CDH6: variants seen among roughly 807,000 people sequenced by gnomAD.
The protein encoded by CDH6 is cadherin 6, also known as cadherin-6.
Under a neutral mutation model 78.0 loss-of-function variants are expected in CDH6, and 31 were observed. The ratio of observed to expected loss-of-function variants is 0.40; its 90% CI spans 0.30 to 0.54. The LOEUF (loss-of-function observed/expected upper bound fraction) is 0.54, where lower values mean the gene tolerates loss of function less well. Among genes scored for constraint, CDH6 ranks in the 20% least tolerant of loss-of-function variants. CDH6 has a pLI of 0.56. For synonymous variants in CDH6, 376 were observed against 368.8 expected, an observed-to-expected ratio of 1.02 and a Z score of -0.23; for missense variants, 724 against 975.9, an observed-to-expected ratio of 0.74 and a Z score of 3.44.
chr5:31,278,417 T>C (rs926597110), intron 2 of CDH6, among the ~76,000 whole-genome samples: 2 of 152,128 alleles, frequency 1.3e-5, no homozygotes, highest in East Asian at 1.9e-4. Flanking sequence ...AGAAAAGATA[T>C]AACAAATAAT....
At chr5:31,243,630 C>G (rs1357820191) in intron 1 of CDH6, among the ~76,000 whole-genome samples, 1 of 152,152 alleles carries the variant, frequency 6.6e-6, no homozygotes, top group Non-Finnish European at 1.5e-5. Flanking sequence ...CTGCTTGACA[C>G]TTCCCTCCCT....
At chr5:31,301,750 T>G (rs1737770535) in intron 5 of CDH6, among the ~76,000 whole-genome samples, 1 of 152,188 alleles carries the variant, frequency 6.6e-6, no homozygotes, top group Admixed American at 6.5e-5. Context: ...AAGTCGCAGT[T>G]CAGATTAAAT....
chr5:31,196,243 G>A (rs1579801575), intron 1 of CDH6, among the ~76,000 whole-genome samples: 1 of 152,226 alleles, frequency 6.6e-6, no homozygotes, highest in East Asian at 1.9e-4. Context: ...AATACTGCTC[G>A]AGACACTTGA....
At chr5:31,224,005 C>A (rs946853171) in intron 1 of CDH6, among the ~76,000 whole-genome samples, 18 of 152,158 alleles carry the variant, frequency 1.2e-4, no homozygotes, top group African/African-American at 4.1e-4. Context: ...GTGGGCCCAA[C>A]ATTATGACAC....
chr5:31,227,059 A>G (rs1409441908), intron 1 of CDH6, among the ~76,000 whole-genome samples: 1 of 152,156 alleles, frequency 6.6e-6, no homozygotes, highest in Non-Finnish European at 1.5e-5. Context: ...ATCGGGTTAC[A>G]GCAGACACAC....
intron 3 of CDH6, among the ~76,000 whole-genome samples, chr5:31,296,962 C>T (rs1737627208): frequency 6.6e-6 from 1 of 152,100 alleles, no homozygotes; most frequent in African/African-American, 2.4e-5. Context: ...AAGCAAGATG[C>T]TGATTGACTT....
rs571118251 is a variant in CDH6, at chr5:31,326,388, C to A, written c.*3080C>A. 1 of 210,374 alleles carries A rather than the reference C, an allele frequency of 4.8e-6. No homozygotes were observed. The highest frequency in any genetic ancestry group is 1.9e-4 in the South Asian group (1 of 5,312). 13.0% of individuals were successfully genotyped at this position (210,374 alleles called of 1,614,324 possible). A position where few individuals can be genotyped will look rare whatever the true frequency, so the allele number is the denominator to read the frequency against. On this transcript the variant is annotated 3_prime_UTR_variant, in exon 12 of 12. Coordinates refer to ENST00000265071, the MANE Select transcript of CDH6 (RefSeq NM_004932.4). ...AGCCCCTTCACTTCCTGGCCACTTA[C>A]TTCTGAAAGGCCTAAAAAACATTTG...
chr5:31,267,694 T>C lies in CDH6; in HGVS notation c.221T>C (p.Val74Ala), dbSNP rs1742401582. ...EEYTGSDYQY[V>A]GKLHSDQDRG... ...TACACAGGATCCGATTATCAGTATG[T>C]GGGCAAGGTAGGATTCCTTTGAGTG... Residue 74 changes from valine to alanine, a missense_variant, in exon 2 of 12, where the codon GTG (valine) becomes GCG (alanine). Around this residue, in one of 3 missense-constraint regions of CDH6, gnomAD observed 446 missense variants for 684.5 expected, o/e 0.65. Coordinates refer to ENST00000265071, the MANE Select transcript of CDH6 (RefSeq NM_004932.4). 6.2e-7 allele frequency: 1 copy of C among 1,612,584 alleles called. No individual in the cohort carries two copies. The highest frequency in any genetic ancestry group is 1.7e-4 in the Middle Eastern group (1 of 6,056).
chr5:31,198,364 G>T (rs747884913), intron 1 of CDH6, among the ~76,000 whole-genome samples: 6 of 152,192 alleles, frequency 3.9e-5, no homozygotes, highest in African/African-American at 1.4e-4. Context: ...TAATGCCAGA[G>T]TGTTAATATT....
intron 1 of CDH6, chr5:31,249,086 A>G (rs1240288199): frequency 1.3e-5 from 2 of 152,170 alleles, no homozygotes; most frequent in African/African-American, 4.8e-5. Flanking sequence ...TCATTCCACA[A>G]TGTATATATA....
intron 1 of CDH6, among the ~76,000 whole-genome samples, chr5:31,198,190 C>G (rs1302983764): frequency 6.6e-6 from 1 of 152,184 alleles, no homozygotes; most frequent in Non-Finnish European, 1.5e-5. Flanking sequence ...TTATTGAAGG[C>G]TGAATGCTCT....
chr5:31,270,621 T>C (rs1742501996), intron 2 of CDH6, among the ~76,000 whole-genome samples: 1 of 152,238 alleles, frequency 6.6e-6, no homozygotes, highest in South Asian at 2.1e-4. Flanking sequence ...TACCTTGAGC[T>C]AGTAATTCGC....
At chr5:31,216,471 C>G (rs1740867848) in intron 1 of CDH6, among the ~76,000 whole-genome samples, 1 of 151,874 alleles carries the variant, frequency 6.6e-6, no homozygotes, top group Non-Finnish European at 1.5e-5. Flanking sequence ...ATTTCAGTGT[C>G]CATAAATAAA....
intron 2 of CDH6, among the ~76,000 whole-genome samples, chr5:31,285,352 C>T (rs1359754538): frequency 6.6e-6 from 1 of 152,202 alleles, no homozygotes; most frequent in African/African-American, 2.4e-5. Context: ...CTTCCTAAAC[C>T]ATCAAAGAGC....
At chr5:31,195,303 G>A (rs1186543583) in intron 1 of CDH6, among the ~76,000 whole-genome samples, 1 of 152,084 alleles carries the variant, frequency 6.6e-6, no homozygotes, top group Non-Finnish European at 1.5e-5. Flanking sequence ...AATTATCCAG[G>A]GGGTTGCAAA....
intron 6 of CDH6, among the ~76,000 whole-genome samples, chr5:31,302,796 GAGAGAAAGAAAGAA>G (rs1206453954): frequency 5.0e-3 from 156 of 31,138 alleles, no homozygotes; most frequent in African/African-American, 0.014. Flanking sequence ...GAGAGAGAGA[GAGAGAAAGAAAGAA>G]AGAAAGAAAG....
chr5:31,305,462 G>T (rs994295756), intron 7 of CDH6, 35 bp downstream of exon 7: 5 of 1,583,186 alleles, frequency 3.2e-6, no homozygotes, highest in Non-Finnish European at 4.3e-6. Context: ...TCTTTCATAA[G>T]CTTCAGTCAA....
chr5:31,218,971 A>T (rs1304916496), intron 1 of CDH6, among the ~76,000 whole-genome samples: 1 of 152,170 alleles, frequency 6.6e-6, no homozygotes, highest in African/African-American at 2.4e-5. Context: ...GGCTGAACCA[A>T]GGTGCCCAGA....
chr5:31,223,739 T>C (rs1422111508), intron 1 of CDH6, among the ~76,000 whole-genome samples: 1 of 152,188 alleles, frequency 6.6e-6, no homozygotes, highest in Non-Finnish European at 1.5e-5. Context: ...TACTAATTAA[T>C]GGACAAGTGA....
Sources: gnomAD v4.1 joint callset for allele counts (sites outside exome capture counted in the v4.1 genomes callset) on GRCh38, gnomAD v4.1.1 for gene constraint, gnomAD v4.1.1 regional missense constraint, MANE v1.5 for transcripts, NCBI Gene and HGNC (gene_info 2026-07-23, HGNC 2026-07-21) for gene names.